Variants in EPB41L5 observed in about 807,000 individuals in gnomAD.
EPB41L5 encodes the protein band 4.1-like protein 5.
Under a neutral mutation model 106.6 loss-of-function variants are expected in EPB41L5, and 55 were observed. The observed-to-expected ratio is 0.52, with a 90% CI of 0.42 to 0.65. EPB41L5 has a LOEUF of 0.65. Ranked by LOEUF, EPB41L5 falls within the 30% of genes least tolerant of loss-of-function variation. EPB41L5 has a pLI of 0.00. For synonymous variants in EPB41L5, 297 were observed against 306.7 expected (o/e 0.97, Z 0.33); for missense variants, 871 against 882.1 (o/e 0.99, Z 0.16).
intron 16 of EPB41L5, among the ~76,000 whole-genome samples, chr2:120,122,108 T>C (rs2105450347): frequency 6.6e-6 from 1 of 152,366 alleles, no homozygotes; most frequent in African/African-American, 2.4e-5. Context: ...GCAAAAATGT[T>C]CTCCCATTCT....
At chr2:120,092,547 T>C (rs2105371482) in intron 13 of EPB41L5, among the ~76,000 whole-genome samples, 1 of 152,344 alleles carries the variant, frequency 6.6e-6, no homozygotes, top group South Asian at 2.1e-4. Flanking sequence ...AAACTGAATT[T>C]GCATTAAAAT....
At chr2:120,155,774 T>C (rs942050898) in intron 20 of EPB41L5, among the ~76,000 whole-genome samples, 2 of 151,868 alleles carry the variant, frequency 1.3e-5, no homozygotes, top group African/African-American at 4.8e-5. Flanking sequence ...GAATCTGCTA[T>C]TGAAATCCTC....
chr2:120,115,600 C>T (rs1286941954), intron 16 of EPB41L5, among the ~76,000 whole-genome samples: 3 of 151,908 alleles, frequency 2.0e-5, no homozygotes, highest in Non-Finnish European at 4.4e-5. Context: ...CCATGTTGGT[C>T]AGGCTGGTCT....
intron 11 of EPB41L5, among the ~76,000 whole-genome samples, chr2:120,089,481 A>G (rs1683271916): frequency 6.6e-6 from 1 of 152,170 alleles, no homozygotes; most frequent in Non-Finnish European, 1.5e-5. Flanking sequence ...TGTTTTATCT[A>G]AACGTGTACC....
In EPB41L5 at chr2:120,090,454, C is replaced by T. The variant is rs776807631; in HGVS notation, c.981C>T (p.Gly327=). ...VEHHAFFRLR[G]PVQKSSHRSG... ...ATCATGCTTTCTTCCGCCTTCGAGG[C>T]CCCGTCCAAAAGAGTTCTCATCGAT... The change falls in exon 12 of 25, where the codon GGC becomes GGT. Residue 327 remains glycine, a synonymous_variant. Transcript: ENST00000263713. The T allele has an allele frequency of 1.2e-6, 2 of 1,613,614 alleles. No individual in the cohort carries two copies. Among genetic ancestry groups the T allele is most frequent in the Non-Finnish European group, 1.7e-6 (2 of 1,179,818 alleles).
intron 13 of EPB41L5, 65 bp from the exon 14 acceptor site, chr2:120,093,184 G>A: frequency 7.5e-7 from 1 of 1,330,664 alleles, no homozygotes. Flanking sequence ...GTTTTGCTTT[G>A]AATAGTGCAG....
In EPB41L5 at chr2:120,090,506, T is replaced by G; in HGVS notation, c.1033T>G (p.Phe345Val). ...RSGFIRLGSR[F>V]RYSGKTEYQT... is the part of the protein sequence containing the mutation. ...AGGATTTATTCGACTAGGATCACGA[T>G]TTAGATATAGGTTAATTTTAATTGC... The change falls in exon 12 of 25, where the codon TTT (phenylalanine) becomes GTT (valine). Residue 345 changes from phenylalanine (F) to valine (V), a missense_variant. Transcript: ENST00000263713. The G allele has an allele frequency of 1.2e-6, 2 of 1,611,122 alleles. No individual in the cohort carries two copies. Among genetic ancestry groups the G allele is most frequent in the Non-Finnish European group, 1.7e-6 (2 of 1,179,054 alleles).
chr2:120,123,531 A>G (rs1466660089), intron 16 of EPB41L5, among the ~76,000 whole-genome samples: 2 of 152,068 alleles, frequency 1.3e-5, no homozygotes, highest in Non-Finnish European at 2.9e-5. Context: ...ACTTGTAATC[A>G]TTGAAACATA....
chr2:120,075,828 C>A, intron 7 of EPB41L5, 75 bp downstream of exon 7: 1 of 1,160,228 alleles, frequency 8.6e-7, no homozygotes, highest in South Asian at 1.2e-5. Context: ...AAAGAAGATT[C>A]TAATTATGTG....
intron 2 of EPB41L5, among the ~76,000 whole-genome samples, chr2:120,037,865 T>C (rs1679142043): frequency 6.6e-6 from 1 of 152,178 alleles, no homozygotes; most frequent in Non-Finnish European, 1.5e-5. Flanking sequence ...AGTCAGACCT[T>C]TTCCTTATAC....
Position 120,090,351 on chromosome 2 carries a change from A to C in EPB41L5, c.878A>C (p.Lys293Thr). The change falls in exon 12 of 25, where the codon AAA becomes ACA. Residue 293 changes from lysine to threonine, a missense_variant. Transcript: ENST00000263713. ...ATATATACTTTTCTTTTTCAGGGCA[A>C]AGAACAGGAACATACATTTGTCTTT... ...LVVVEDDDQG[K>T]EQEHTFVFRL... 8 of 1,595,508 alleles carry C rather than the reference A, an allele frequency of 5.0e-6. No individual in the cohort carries two copies. Among genetic ancestry groups the C allele is most frequent in the Non-Finnish European group, 6.8e-6 (8 of 1,174,040 alleles).
Position 120,076,470 on chromosome 2 carries a change from CTT to C in EPB41L5, c.506-476_506-475del, listed in dbSNP as rs35333671. ...CCATTAGGCCTGGCTAATTTTTGTA[CTT>C]TTTTTTTTTTTTTTTTTTTTTTTTA... On this transcript the variant is annotated intron_variant, in intron 7 of 24. Coordinates refer to ENST00000263713, the MANE Select transcript of EPB41L5 (RefSeq NM_020909.4). Among the ~76,000 whole-genome samples the C allele has an allele frequency of 6.2e-3, 363 of 58,882 alleles. 2 individuals are homozygous for C. Among genetic ancestry groups the C allele is most frequent in the African/African-American group, 0.026 (336 of 13,054 alleles). The allele number at this position is 58,882 out of a possible 152,430, so 38.6% of individuals were successfully genotyped here.
At chr2:120,098,851 T>C (rs1235665735) in intron 14 of EPB41L5, among the ~76,000 whole-genome samples, 1 of 152,276 alleles carries the variant, frequency 6.6e-6, no homozygotes, top group Non-Finnish European at 1.5e-5. Context: ...CTCACCTTGT[T>C]AGAAAGGCTT....
At chr2:120,062,807 G>C (rs1484208483) in intron 3 of EPB41L5, among the ~76,000 whole-genome samples, 1 of 151,166 alleles carries the variant, frequency 6.6e-6, no homozygotes, top group Non-Finnish European at 1.5e-5. Context: ...GTGAGGTCTA[G>C]TGATTTCTAG....
chr2:120,053,783 G>A (rs1680447759), intron 3 of EPB41L5, among the ~76,000 whole-genome samples: 1 of 152,168 alleles, frequency 6.6e-6, no homozygotes, highest in Admixed American at 6.5e-5. Flanking sequence ...ATGCTGCTCT[G>A]AAGGCTGGGC....
intron 3 of EPB41L5, among the ~76,000 whole-genome samples, chr2:120,068,668 C>T (rs574049932): frequency 7.9e-5 from 12 of 152,224 alleles, no homozygotes; most frequent in Non-Finnish European, 1.2e-4. Context: ...TAAATGTAAA[C>T]GGGCTAAATG....
chr2:120,164,665 C>T (rs1256696802), intron 21 of EPB41L5, among the ~76,000 whole-genome samples, 171 bp from the exon 22 acceptor site: 1 of 152,186 alleles, frequency 6.6e-6, no homozygotes, highest in Non-Finnish European at 1.5e-5. Context: ...GGTTTCCCTC[C>T]ATGCAGAAGT....
intron 2 of EPB41L5, among the ~76,000 whole-genome samples, chr2:120,025,103 G>A (rs1259070141): frequency 2.0e-5 from 3 of 152,106 alleles, no homozygotes; most frequent in Admixed American, 2.0e-4. Context: ...GGTAGAATTC[G>A]GCTGTGAATC....
chr2:120,106,967 A>C (rs1341134449), intron 16 of EPB41L5: 1 of 883,120 alleles, frequency 1.1e-6, no homozygotes, highest in African/African-American at 1.8e-5. Flanking sequence ...ACAAACACTA[A>C]TATTGTAATA....
Sources: allele counts gnomAD v4.1 joint callset (sites outside exome capture counted in the v4.1 genomes callset), GRCh38; gene constraint gnomAD v4.1.1; transcripts MANE v1.5; gene names NCBI Gene and HGNC (gene_info 2026-07-23, HGNC 2026-07-21).